Variants in NTM observed in about 807,000 individuals in gnomAD.
NTM encodes neurotrimin.
A neutral mutation model predicts 42.1 loss-of-function variants in NTM; 13 were observed. The ratio of observed to expected loss-of-function variants is 0.31; its 90% CI spans 0.20 to 0.49. The LOEUF (loss-of-function observed/expected upper bound fraction) is 0.49, where lower values mean the gene tolerates loss of function less well. Among genes scored for constraint, NTM ranks in the 20% least tolerant of loss-of-function variants. The pLI is 0.99. For synonymous variants in NTM, 187 were observed against 179.2 expected, an observed-to-expected ratio of 1.04 and a Z score of -0.35; for missense variants, 373 against 452.8, an observed-to-expected ratio of 0.82 and a Z score of 1.60.
intron 1 of NTM, among the ~76,000 whole-genome samples, chr11:131,386,838 AC>A (rs768890552): frequency 1.6e-4 from 24 of 151,796 alleles, no homozygotes; most frequent in Non-Finnish European, 2.6e-4. Context: ...AATATAATCT[AC>A]CCCAGTCTTC....
At chr11:131,663,480 C>A (rs1424949200) in intron 1 of NTM, 1 of 152,418 alleles carries the variant, frequency 6.6e-6, no homozygotes, top group Non-Finnish European at 1.5e-5. Flanking sequence ...GTCCTGAGGC[C>A]TTCCTTGACC....
chr11:131,648,190 G>T (rs1168487141), intron 1 of NTM, among the ~76,000 whole-genome samples: 2 of 152,140 alleles, frequency 1.3e-5, no homozygotes, highest in Non-Finnish European at 2.9e-5. Context: ...ATGGGATTTT[G>T]TTCTTTTTTA....
At chr11:131,965,737 T>C (rs2062755301) in intron 2 of NTM, among the ~76,000 whole-genome samples, 1 of 152,108 alleles carries the variant, frequency 6.6e-6, no homozygotes, top group African/African-American at 2.4e-5. Flanking sequence ...AGGCAAACAT[T>C]GGAGTGATTT....
chr11:132,172,037 A>G (rs931841708), intron 3 of NTM, among the ~76,000 whole-genome samples: 1 of 152,224 alleles, frequency 6.6e-6, no homozygotes, highest in Non-Finnish European at 1.5e-5. Context: ...ACCACAGTCA[A>G]CTGACTCCAC....
chr11:131,444,470 T>C (rs1949885267), intron 1 of NTM, among the ~76,000 whole-genome samples: 1 of 151,996 alleles, frequency 6.6e-6, no homozygotes, highest in African/African-American at 2.4e-5. Flanking sequence ...GCAGTTTCAA[T>C]AGAATAGGGA....
At chr11:131,591,514 G>A (rs755184187) in intron 1 of NTM, among the ~76,000 whole-genome samples, 7 of 152,332 alleles carry the variant, frequency 4.6e-5, no homozygotes, top group South Asian at 4.1e-4. Flanking sequence ...AACCCTGCAC[G>A]GAGATGCATG....
chr11:131,777,105 A>G, intron 1 of NTM: 13 of 947,346 alleles, frequency 1.4e-5, no homozygotes, highest in Non-Finnish European at 1.6e-5. Context: ...GATTTCTATT[A>G]TTGAAGGAAG....
chr11:132,154,712 G>A (rs2072786014), intron 3 of NTM, among the ~76,000 whole-genome samples: 1 of 152,164 alleles, frequency 6.6e-6, no homozygotes, highest in Admixed American at 6.5e-5. Flanking sequence ...AAGACTTCCT[G>A]TTTCTGATAT....
intron 1 of NTM, among the ~76,000 whole-genome samples, chr11:131,857,484 T>C (rs1404879902): frequency 6.6e-6 from 1 of 152,124 alleles, no homozygotes; most frequent in Non-Finnish European, 1.5e-5. Context: ...CTCCCTCCCA[T>C]AGTACTCACT....
At chr11:131,474,521 C>G (rs1381207483) in intron 1 of NTM, among the ~76,000 whole-genome samples, 1 of 152,098 alleles carries the variant, frequency 6.6e-6, no homozygotes, top group Non-Finnish European at 1.5e-5. Context: ...TTCCCAGGTA[C>G]CATATGCCTC....
intron 2 of NTM, among the ~76,000 whole-genome samples, chr11:131,943,923 A>G (rs1148911): frequency 1.6e-4 from 1 of 6,364 alleles, no homozygotes; most frequent in Non-Finnish European, 2.8e-4. Context: ...TTCTAAAAGG[A>G]AAAAAAAAAA....
intron 4 of NTM, among the ~76,000 whole-genome samples, chr11:132,273,237 A>T (rs2093565177): frequency 7.1e-6 from 1 of 141,452 alleles, no homozygotes; most frequent in Non-Finnish European, 1.5e-5. Flanking sequence ...CCAATTTTGC[A>T]TTCCTGGTAG....
At chr11:131,982,818 G>GA (rs1288271279) in intron 2 of NTM, among the ~76,000 whole-genome samples, 1 of 152,062 alleles carries the variant, frequency 6.6e-6, no homozygotes, top group East Asian at 1.9e-4. Flanking sequence ...AATTTGATAA[G>GA]AAAAAAAGCC....
intron 1 of NTM, among the ~76,000 whole-genome samples, chr11:131,829,752 T>TCCAAACTG (rs1344581500): frequency 2.6e-5 from 4 of 152,154 alleles, no homozygotes; most frequent in Non-Finnish European, 4.4e-5. Context: ...TTCAGAAATC[T>TCCAAACTG]CCAAACTGCT....
intron 2 of NTM, among the ~76,000 whole-genome samples, chr11:131,968,030 A>G (rs562714914): frequency 3.0e-4 from 45 of 152,308 alleles, no homozygotes; most frequent in Non-Finnish European, 4.6e-4. Flanking sequence ...TAGAAATAAC[A>G]TAAATAAATG....
chr11:132,316,628 G>C (rs2095436756), intron 7 of NTM, among the ~76,000 whole-genome samples: 1 of 152,150 alleles, frequency 6.6e-6, no homozygotes, highest in African/African-American at 2.4e-5. Context: ...AAGTTTGCAG[G>C]ATGTTTCAAT....
intron 6 of NTM, among the ~76,000 whole-genome samples, chr11:132,311,337 GT>G: frequency 6.6e-6 from 1 of 152,112 alleles, no homozygotes; most frequent in South Asian, 2.1e-4. Context: ...GAAAAGCAGT[GT>G]TTTGTTTTTT....
At chr11:131,863,063 A>G (rs1042687046) in intron 1 of NTM, among the ~76,000 whole-genome samples, 1 of 152,186 alleles carries the variant, frequency 6.6e-6, no homozygotes, top group Non-Finnish European at 1.5e-5. Flanking sequence ...GTGTTCTTTC[A>G]TGGTACCATA....
At chr11:131,866,135 A>T (rs2047184415) in intron 1 of NTM, among the ~76,000 whole-genome samples, 2 of 150,716 alleles carry the variant, frequency 1.3e-5, no homozygotes, top group Admixed American at 1.3e-4. Flanking sequence ...TCACATACAC[A>T]TGCATGCCGC....
Sources: gnomAD v4.1 joint callset for allele counts (sites outside exome capture counted in the v4.1 genomes callset) on GRCh38, gnomAD v4.1.1 for gene constraint, MANE v1.5 for transcripts, NCBI Gene and HGNC (gene_info 2026-07-23, HGNC 2026-07-21) for gene names.